TMPPE: variants seen among roughly 807,000 people sequenced by gnomAD.
TMPPE encodes the protein transmembrane protein with metallophosphoesterase domain.
Under a neutral mutation model 22.6 loss-of-function variants are expected in TMPPE, and 16 were observed. The ratio of observed to expected loss-of-function variants is 0.71; its 90% confidence interval spans 0.48 to 1.08. The LOEUF is 1.08. TMPPE is among the 50% of genes least tolerant of loss of function. The pLI, the probability that TMPPE is intolerant of heterozygous loss-of-function variation, is 0.00. For missense variants in TMPPE, 526 were observed against 584.3 expected (o/e 0.90, Z 1.03); for synonymous variants, 240 against 245.3 (o/e 0.98, Z 0.20).
At chr3:33,096,404 C>G (rs528169861) in intron 1 of TMPPE, 3 of 968,652 alleles carry the variant, frequency 3.1e-6, no homozygotes, top group African/African-American at 1.8e-5. Context: ...CTATTCCCCC[C>G]CTCAACCTGG....
chr3:33,091,487 C>T lies in TMPPE; in HGVS notation c.*1347G>A. 1.0e-6 allele frequency: 1 copy of T among 985,486 alleles called. No homozygotes were observed. Among genetic ancestry groups the T allele is most frequent in the Non-Finnish European group, 1.2e-6 (1 of 829,970 alleles). 61.0% of individuals were successfully genotyped at this position (985,486 alleles called of 1,614,324 possible). On this transcript the variant is annotated 3_prime_UTR_variant, in exon 2 of 2. Coordinates refer to ENST00000342462, the MANE Select transcript of TMPPE (RefSeq NM_001039770.3). The stretch of plus-strand genomic sequence containing the variant: ...CCCAGGACTGGCTGCTCCATGAATC[C>T]TCTGGGCACCTGTGCCCAACAGAGT...
At position 33,092,984 on chromosome 3, in the gene TMPPE, G is replaced by C. The variant is rs774227534; in HGVS notation, c.1212C>G (p.Ala404=). Residue 404 remains alanine (A), a synonymous_variant, in exon 2 of 2, where the codon GCC becomes GCG. Coordinates refer to ENST00000342462, the MANE Select transcript of TMPPE (RefSeq NM_001039770.3). Reference sequence around the variant, plus strand: ...CAGCAAAGAAGGGATTCAGGAGATAGGCTGCTACGTTCAAGGGGAAGATCT... The same window carrying C: ...CAGCAAAGAAGGGATTCAGGAGATACGCTGCTACGTTCAAGGGGAAGATCT... ...AGQIFPLNVA[A]YLLNPFFAGL... is the part of the protein sequence containing the mutation. 1 of 1,614,244 alleles carries C rather than the reference G, an allele frequency of 6.2e-7. No individual in the cohort carries two copies. The highest frequency in any genetic ancestry group is 1.7e-5 in the Admixed American group (1 of 60,026).
intron 1 of TMPPE, among the ~76,000 whole-genome samples, chr3:33,096,185 G>C (rs1176211890): frequency 1.3e-5 from 2 of 152,154 alleles, no homozygotes; most frequent in African/African-American, 4.8e-5. Context: ...ACGTGCAGAG[G>C]AGCAGCTTGC....
At position 33,092,473 on chromosome 3, in the gene TMPPE, G is replaced by A. The variant is rs918716380; in HGVS notation, c.*361C>T. On this transcript the variant is annotated 3_prime_UTR_variant, in exon 2 of 2. Transcript: ENST00000342462. Reference sequence around the variant, plus strand: ...GAGAAAAATGCTCCTGCTCCTCCCCGCCCCACCTTCTAGAGGTATGCCTTT... The same window carrying A: ...GAGAAAAATGCTCCTGCTCCTCCCCACCCCACCTTCTAGAGGTATGCCTTT... The A allele has an allele frequency of 8.7e-6, 9 of 1,031,264 alleles. No homozygotes were observed. The highest frequency in any genetic ancestry group is 5.2e-5 in the Admixed American group (1 of 19,360). The allele number at this position is 1,031,264 out of a possible 1,614,324, so 63.9% of individuals were successfully genotyped here.
At chr3:33,095,659 C>A (rs775328888) in intron 1 of TMPPE, among the ~76,000 whole-genome samples, 6 of 152,148 alleles carry the variant, frequency 3.9e-5, no homozygotes, top group Non-Finnish European at 8.8e-5. Flanking sequence ...GAGCTCACAT[C>A]AGACAGATTG....
chr3:33,092,345 T>C lies in TMPPE; in HGVS notation c.*489A>G. Reference sequence around the variant, plus strand: ...AGCCAGAGGGCCCTTCCATCTTGCCTGTTCTCCCAAATTACCTGGCAACAC... The same window carrying C: ...AGCCAGAGGGCCCTTCCATCTTGCCCGTTCTCCCAAATTACCTGGCAACAC... On this transcript the variant is annotated 3_prime_UTR_variant, in exon 2 of 2. Coordinates refer to ENST00000342462, the MANE Select transcript of TMPPE (RefSeq NM_001039770.3). 4 of 987,860 alleles carry C rather than the reference T, an allele frequency of 4.0e-6. No homozygotes were observed. The highest frequency in any genetic ancestry group is 4.8e-6 in the Non-Finnish European group (4 of 831,566). The allele number at this position is 987,860 out of a possible 1,614,324, so 61.2% of individuals were successfully genotyped here.
In TMPPE at chr3:33,093,278, CTTCACG is replaced by C; in HGVS notation, c.912_917del (p.Asn304_Val305del). The C allele has an allele frequency of 1.2e-6, 2 of 1,614,184 alleles. No individual in the cohort carries two copies. The highest frequency in any genetic ancestry group is 1.3e-5 in the African/African-American group (1 of 75,048). On this transcript the variant is annotated inframe_deletion, in exon 2 of 2. Coordinates refer to ENST00000342462, the MANE Select transcript of TMPPE (RefSeq NM_001039770.3). This position sits in a 1 kb window ranked among gnomAD's most constrained non-coding sequence, Gnocchi z 6.0. ...CACGTTGGGCCCGTGTGGCGGAAAT[CTTCACG>C]TTCTCATTATGAAGAGGCTGGACAT...
Position 33,094,219 on chromosome 3 carries a change from C to T in TMPPE, c.-24G>A, listed in dbSNP as rs1461534882. On this transcript the variant is annotated 5_prime_UTR_variant, in exon 2 of 2. Transcript: ENST00000342462. Reference sequence around the variant, plus strand: ...ATTTTCTCTGCTCCTAGTAGGCTCCCCCACCAGTTCTGTGCTGGTGGACTC... The same window carrying T: ...ATTTTCTCTGCTCCTAGTAGGCTCCTCCACCAGTTCTGTGCTGGTGGACTC... The T allele has an allele frequency of 2.5e-6, 4 of 1,570,796 alleles. No homozygotes were observed. Among genetic ancestry groups the T allele is most frequent in the Non-Finnish European group, 3.5e-6 (4 of 1,155,888 alleles).
chr3:33,094,370 A>G, intron 1 of TMPPE, 67 bp from the exon 2 acceptor site: 6 of 1,373,052 alleles, frequency 4.4e-6, no homozygotes, highest in Non-Finnish European at 5.7e-6. Flanking sequence ...TCAAAACTCA[A>G]AGGCCACTTA....
At position 33,091,028 on chromosome 3, in the gene TMPPE, G is replaced by A. The variant is rs951411973; in HGVS notation, c.*1806C>T. On this transcript the variant is annotated 3_prime_UTR_variant, in exon 2 of 2. Transcript: ENST00000342462. ...ACCAGTGAAATAACACGTAACAGGT[G>A]AGTCAAACATTACCAGCCGCATCAA... 1 of 985,260 alleles carries A rather than the reference G, an allele frequency of 1.0e-6. No homozygotes were observed. The highest frequency in any genetic ancestry group is 1.2e-6 in the Non-Finnish European group (1 of 829,934). The allele number at this position is 985,260 out of a possible 1,614,324, so 61.0% of individuals were successfully genotyped here. A position where few individuals can be genotyped will look rare whatever the true frequency, so the allele number is the denominator to read the frequency against.
At position 33,090,846 on chromosome 3, in the gene TMPPE, G is replaced by T. The variant is rs1257882466; in HGVS notation, c.*1988C>A. 2.0e-6 allele frequency: 2 copies of T among 985,216 alleles called. No homozygotes were observed. The highest frequency in any genetic ancestry group is 2.4e-6 in the Non-Finnish European group (2 of 829,940). The allele number at this position is 985,216 out of a possible 1,614,324, so 61.0% of individuals were successfully genotyped here. A position where few individuals can be genotyped will look rare whatever the true frequency, so the allele number is the denominator to read the frequency against. On this transcript the variant is annotated 3_prime_UTR_variant, in exon 2 of 2. Transcript: ENST00000342462. ...AATAGAAAGCAATCAGTCAAGCAAG[G>T]ACTTCAGAGTGGATGAAGGGTACAT...
At chr3:33,096,362 C>T in intron 1 of TMPPE, 1 of 980,960 alleles carries the variant, frequency 1.0e-6, no homozygotes, top group Non-Finnish European at 1.2e-6. Context: ...CAGCCCTGCC[C>T]CGATCAACGA....
chr3:33,092,378 T>TC lies in TMPPE; in HGVS notation c.*455dup. ...CAAATTACCTGGCAACACTACCCCT[T>TC]CCCCAGAAAGGCTCTGGATCAATGA... is the stretch of plus-strand genomic sequence containing the variant. On this transcript the variant is annotated 3_prime_UTR_variant, in exon 2 of 2. Transcript: ENST00000342462. The TC allele has an allele frequency of 1.0e-6, 1 of 989,006 alleles. No individual in the cohort carries two copies. The highest frequency in any genetic ancestry group is 1.2e-6 in the Non-Finnish European group (1 of 832,316). 61.3% of individuals were successfully genotyped at this position (989,006 alleles called of 1,614,324 possible).
rs1700837983 is a variant in TMPPE, at chr3:33,093,060, T to C, written c.1136A>G (p.Gln379Arg). 1 of 1,614,068 alleles carries C rather than the reference T, an allele frequency of 6.2e-7. No individual in the cohort carries two copies. ...HQPLAAKRAL[Q>R]ARPDINLILS... ...GATCAGGTTAATATCTGGCCGAGCC[T>C]GGAGAGCTCTCTTGGCAGCCAGGGG... The change falls in exon 2 of 2, where the codon CAG becomes CGG. Residue 379 changes from glutamine (Q) to arginine (R), a missense_variant. Coordinates refer to ENST00000342462, the MANE Select transcript of TMPPE (RefSeq NM_001039770.3). This position sits in a 1 kb window ranked among gnomAD's most constrained non-coding sequence, Gnocchi z 6.0.
In TMPPE at chr3:33,092,992, C is replaced by T. The variant is rs375148498; in HGVS notation, c.1204G>A (p.Val402Ile). Residue 402 changes from valine (V) to isoleucine (I), a missense_variant, in exon 2 of 2, where the codon GTA becomes ATA. Val to Ile is a conservative substitution (Grantham distance 29, BLOSUM62 3). Coordinates refer to ENST00000342462, the MANE Select transcript of TMPPE (RefSeq NM_001039770.3). ...THAGQIFPLN[V>I]AAYLLNPFFA... ...AAGGGATTCAGGAGATAGGCTGCTACGTTCAAGGGGAAGATCTGCCCAGCA... is the reference window on the plus strand; with the variant it reads ...AAGGGATTCAGGAGATAGGCTGCTATGTTCAAGGGGAAGATCTGCCCAGCA... 16 of 1,614,102 alleles carry T rather than the reference C, an allele frequency of 9.9e-6. No homozygotes were observed. The highest frequency in any genetic ancestry group is 1.4e-5 in the Non-Finnish European group (16 of 1,180,060).
rs921103323 is a variant in TMPPE, at chr3:33,091,090, G to A, written c.*1744C>T. 1 of 985,290 alleles carries A rather than the reference G, an allele frequency of 1.0e-6. No individual in the cohort carries two copies. The highest frequency in any genetic ancestry group is 6.2e-5 in the Admixed American group (1 of 16,254). The allele number at this position is 985,290 out of a possible 1,614,324, so 61.0% of individuals were successfully genotyped here. A position where few individuals can be genotyped will look rare whatever the true frequency, so the allele number is the denominator to read the frequency against. ...GAAATGGCACCATCTAGCCCACCTG[G>A]TGAAATCCAAAGCGAGAACTTAAAG... is the stretch of plus-strand genomic sequence containing the variant. On this transcript the variant is annotated 3_prime_UTR_variant, in exon 2 of 2. Coordinates refer to ENST00000342462, the MANE Select transcript of TMPPE (RefSeq NM_001039770.3).
Position 33,092,513 on chromosome 3 carries a change from G to A in TMPPE, c.*321C>T. The A allele has an allele frequency of 5.4e-6, 6 of 1,107,076 alleles. No individual in the cohort carries two copies. The highest frequency in any genetic ancestry group is 6.6e-6 in the Non-Finnish European group (6 of 906,496). The allele number at this position is 1,107,076 out of a possible 1,614,324, so 68.6% of individuals were successfully genotyped here. A position where few individuals can be genotyped will look rare whatever the true frequency, so the allele number is the denominator to read the frequency against. On this transcript the variant is annotated 3_prime_UTR_variant, in exon 2 of 2. Transcript: ENST00000342462. ...GGTATGCCTTTCTAGCAACCCCGAG[G>A]GGAGGTTCATCCCTGGGAGCTCTGC...
chr3:33,094,448 T>C, intron 1 of TMPPE, 145 bp from the exon 2 acceptor site: 1 of 1,028,602 alleles, frequency 9.7e-7, no homozygotes, highest in East Asian at 3.2e-5. Flanking sequence ...TACTTTATTA[T>C]TCAAAAAGAA....
chr3:33,091,433 A>G lies in TMPPE; in HGVS notation c.*1401T>C. 1.0e-6 allele frequency: 1 copy of G among 985,536 alleles called. No individual in the cohort carries two copies. Among genetic ancestry groups the G allele is most frequent in the Non-Finnish European group, 1.2e-6 (1 of 829,990 alleles). The allele number at this position is 985,536 out of a possible 1,614,324, so 61.0% of individuals were successfully genotyped here. On this transcript the variant is annotated 3_prime_UTR_variant, in exon 2 of 2. Coordinates refer to ENST00000342462, the MANE Select transcript of TMPPE (RefSeq NM_001039770.3). ...GCTTTGACACATCACCTGCCCCAGC[A>G]GCAGGCAGCTCGCTACCCACTCACA...
Sources: gnomAD v4.1 joint callset for allele counts (sites outside exome capture counted in the v4.1 genomes callset) on GRCh38, gnomAD v4.1.1 for gene constraint, Gnocchi (gnomAD v3.1) non-coding constraint, MANE v1.5 for transcripts, NCBI Gene and HGNC (gene_info 2026-07-23, HGNC 2026-07-21) for gene names.